Variants in SLC10A7 observed in about 807,000 individuals in gnomAD.
SLC10A7 encodes solute carrier family 10 member 7.
In SLC10A7, 29 loss-of-function variants were observed where a neutral mutation model predicts 43.2. The observed-to-expected ratio is 0.67, with a 90% CI of 0.50 to 0.92. The LOEUF (loss-of-function observed/expected upper bound fraction) is 0.92. Among genes scored for constraint, SLC10A7 ranks in the 40% least tolerant of loss-of-function variants. The pLI, the probability that SLC10A7 is intolerant of heterozygous loss-of-function variation, is 0.00. For synonymous variants in SLC10A7, 152 were observed against 144.8 expected (o/e 1.05, Z -0.35); for missense variants, 295 against 403.2 (o/e 0.73, Z 2.30).
intron 9 of SLC10A7, among the ~76,000 whole-genome samples, chr4:146,288,230 T>C (rs1010440201): frequency 9.9e-5 from 15 of 152,208 alleles, no homozygotes; most frequent in African/African-American, 2.4e-4. Context: ...ACTCTAGCTA[T>C]GTAGGACTGG....
intron 5 of SLC10A7, among the ~76,000 whole-genome samples, chr4:146,392,488 T>G (rs1206845808): frequency 6.6e-6 from 1 of 152,168 alleles, no homozygotes; most frequent in Non-Finnish European, 1.5e-5. Context: ...TTTATGTTTA[T>G]ATATGTGTGC....
intron 10 of SLC10A7, among the ~76,000 whole-genome samples, chr4:146,260,940 C>T (rs1002452980): frequency 2.6e-5 from 4 of 152,174 alleles, no homozygotes; most frequent in Non-Finnish European, 4.4e-5. Flanking sequence ...AAAGCAACTG[C>T]TAGGGCTACC....
chr4:146,489,515 C>T (rs896603358), intron 4 of SLC10A7, among the ~76,000 whole-genome samples: 2 of 152,180 alleles, frequency 1.3e-5, no homozygotes, highest in African/African-American at 2.4e-5. Flanking sequence ...ACACATAACA[C>T]GTACTGGCTG....
At chr4:146,515,123 T>C in intron 2 of SLC10A7, 2 of 702,396 alleles carry the variant, frequency 2.8e-6, no homozygotes, top group Non-Finnish European at 5.2e-6. Context: ...CAAAGTTGGC[T>C]GCTTCGCAGA....
At chr4:146,354,148 C>G (rs1459198606) in intron 5 of SLC10A7, among the ~76,000 whole-genome samples, 1 of 145,454 alleles carries the variant, frequency 6.9e-6, no homozygotes, top group Admixed American at 6.9e-5. Flanking sequence ...CCCATCATCT[C>G]CGCCCAAAAT....
At chr4:146,489,638 A>G (rs1388252587) in intron 4 of SLC10A7, among the ~76,000 whole-genome samples, 1 of 152,166 alleles carries the variant, frequency 6.6e-6, no homozygotes, top group Non-Finnish European at 1.5e-5. Flanking sequence ...ACGGGTTAAA[A>G]GTGCCTTCTA....
At chr4:146,432,761 C>T (rs532846745) in intron 5 of SLC10A7, among the ~76,000 whole-genome samples, 11 of 152,246 alleles carry the variant, frequency 7.2e-5, no homozygotes, top group African/African-American at 2.4e-4. Context: ...CTCAATAAAC[C>T]GGCCGCGGTG....
chr4:146,425,218 C>T (rs1216112211), intron 5 of SLC10A7, among the ~76,000 whole-genome samples: 1 of 151,790 alleles, frequency 6.6e-6, no homozygotes, highest in Non-Finnish European at 1.5e-5. Flanking sequence ...AAGAAACATA[C>T]AAAAATAAAG....
At chr4:146,257,060 T>C (rs1251619528) in intron 11 of SLC10A7, 1 of 666,862 alleles carries the variant, frequency 1.5e-6, no homozygotes, top group South Asian at 2.0e-5. Flanking sequence ...CTCTGATTAA[T>C]TTGCTGTTCA....
At chr4:146,354,367 C>T (rs1403860829) in intron 5 of SLC10A7, among the ~76,000 whole-genome samples, 3 of 152,048 alleles carry the variant, frequency 2.0e-5, no homozygotes, top group Admixed American at 6.5e-5. Context: ...AATTACAAAC[C>T]ACTGCTCAAG....
chr4:146,511,784 G>A (rs373419092), intron 2 of SLC10A7, among the ~76,000 whole-genome samples: 2 of 152,040 alleles, frequency 1.3e-5, no homozygotes, highest in East Asian at 3.9e-4. Context: ...AATTCTTAGA[G>A]CTCTACTCCA....
chr4:146,503,244 C>G (rs1380471534), intron 4 of SLC10A7, among the ~76,000 whole-genome samples: 1 of 152,122 alleles, frequency 6.6e-6, no homozygotes, highest in Non-Finnish European at 1.5e-5. Context: ...TAAGCTATCA[C>G]AAATGAATGT....
intron 5 of SLC10A7, among the ~76,000 whole-genome samples, chr4:146,372,832 GT>G (rs1297016150): frequency 6.6e-6 from 1 of 152,134 alleles, no homozygotes; most frequent in Admixed American, 6.6e-5. Context: ...TAAATAAGTT[GT>G]TTAGCCATTA....
chr4:146,486,482 C>A (rs1009372294), intron 4 of SLC10A7, among the ~76,000 whole-genome samples: 2 of 152,130 alleles, frequency 1.3e-5, no homozygotes, highest in Non-Finnish European at 2.9e-5. Flanking sequence ...TAGGTACATA[C>A]CAATAAGGTT....
intron 4 of SLC10A7, among the ~76,000 whole-genome samples, chr4:146,466,557 A>G (rs1733056385): frequency 6.6e-6 from 1 of 152,158 alleles, no homozygotes; most frequent in Admixed American, 6.5e-5. Flanking sequence ...AGGGGACAAA[A>G]TCTGTTTTTC....
In SLC10A7 at chr4:146,258,876, A is replaced by G. The variant is rs72948680; in HGVS notation, c.848-39T>C. 384 of 1,590,072 alleles carry G rather than the reference A, an allele frequency of 2.4e-4. No homozygotes were observed. The African/African-American group carries it at 4.6e-3, about 19-fold the overall frequency. On this transcript the variant is annotated intron_variant, in intron 10 of 11. Transcript: ENST00000335472. ...AAGACAGAAAACCTAAACCAAATTC[A>G]GTCTGTCATCAAATTAAATGCATAC...
intron 3 of SLC10A7, among the ~76,000 whole-genome samples, chr4:146,506,518 C>G (rs184892096): frequency 5.3e-5 from 8 of 152,120 alleles, no homozygotes; most frequent in Non-Finnish European, 1.0e-4. Context: ...CCCCAGAGAC[C>G]ATTCTCTTTA....
At chr4:146,490,345 C>G (rs963139823) in intron 4 of SLC10A7, among the ~76,000 whole-genome samples, 21 of 152,130 alleles carry the variant, frequency 1.4e-4, no homozygotes, top group Admixed American at 3.3e-4. Flanking sequence ...TCACTGTAAA[C>G]TCACATTAAG....
intron 7 of SLC10A7, among the ~76,000 whole-genome samples, chr4:146,297,738 C>A (rs1408442675): frequency 6.6e-6 from 1 of 152,036 alleles, no homozygotes; most frequent in Non-Finnish European, 1.5e-5. Context: ...GATATGAAAT[C>A]AAATCCAATT....
Sources: gnomAD v4.1 joint callset for allele counts (sites outside exome capture counted in the v4.1 genomes callset) on GRCh38, gnomAD v4.1.1 for gene constraint, MANE v1.5 for transcripts, NCBI Gene and HGNC (gene_info 2026-07-23, HGNC 2026-07-21) for gene names.